Variants in SPTAN1 observed in about 807,000 individuals in gnomAD.
SPTAN1 encodes spectrin alpha chain, non-erythrocytic 1.
In SPTAN1, 61 loss-of-function variants were observed where a neutral mutation model predicts 331.3. The ratio of observed to expected loss-of-function variants is 0.18; its 90% CI spans 0.15 to 0.23. The LOEUF (loss-of-function observed/expected upper bound fraction) is 0.23. SPTAN1 is among the 10% of genes least tolerant of loss of function. The pLI, the probability that SPTAN1 is intolerant of heterozygous loss-of-function variation, is 1.00. For synonymous variants in SPTAN1, 1,153 were observed against 1,173.9 expected, an observed-to-expected ratio of 0.98 and a Z score of 0.36; for missense variants, 2,043 against 3,147.9, an observed-to-expected ratio of 0.65 and a Z score of 8.40.
At chr9:128,628,475 G>GCCCTAATAGAAGGCATTTT (rs1859140926) in intron 51 of SPTAN1, 1 of 319,130 alleles carries the variant, frequency 3.1e-6, no homozygotes, top group Non-Finnish European at 6.2e-6. Flanking sequence ...AAGACTGTCC[G>GCCCTAATAGAAGGCATTTT]CCCTAATAGA....
chr9:128,588,310 ATTTTTT>A, intron 20 of SPTAN1, among the ~76,000 whole-genome samples: 1 of 114,736 alleles, frequency 8.7e-6, no homozygotes, highest in South Asian at 2.8e-4. Flanking sequence ...TTAAAATGAG[ATTTTTT>A]TTTTTTTTTT....
At chr9:128,566,352 C>T (rs1158242946) in intron 1 of SPTAN1, among the ~76,000 whole-genome samples, 2 of 152,102 alleles carry the variant, frequency 1.3e-5, no homozygotes, top group African/African-American at 4.8e-5. Context: ...CACCGCACCC[C>T]CTGCTTGAAA....
At chr9:128,572,948 C>T (rs1850901949) in intron 3 of SPTAN1, among the ~76,000 whole-genome samples, 1 of 152,130 alleles carries the variant, frequency 6.6e-6, no homozygotes, top group Admixed American at 6.5e-5. Flanking sequence ...AGCATGTATT[C>T]CTCTGCTGCT....
intron 20 of SPTAN1, among the ~76,000 whole-genome samples, chr9:128,588,310 A>ATTT (rs386416287): frequency 0.86 from 98,981 of 114,666 alleles, 44,142 homozygotes; most frequent in East Asian, 0.94. Context: ...TTAAAATGAG[A>ATTT]TTTTTTTTTT....
intron 44 of SPTAN1, among the ~76,000 whole-genome samples, chr9:128,620,498 C>T (rs1857706614): frequency 6.6e-6 from 1 of 152,188 alleles, no homozygotes; most frequent in African/African-American, 2.4e-5. Flanking sequence ...GGGCAGATCA[C>T]CTGAGGTCAG....
intron 3 of SPTAN1, 80 bp downstream of exon 3, chr9:128,568,977 T>C: frequency 1.3e-6 from 2 of 1,594,976 alleles, no homozygotes; most frequent in Non-Finnish European, 1.7e-6. Flanking sequence ...TCAGTTTGGG[T>C]TCCCAAAAAG....
In SPTAN1 at chr9:128,632,422, T is replaced by C; in HGVS notation, c.6960-9T>C. On this transcript the variant is annotated splice_polypyrimidine_tract_variant and intron_variant, in intron 53 of 56. Coordinates refer to ENST00000372739, the MANE Select transcript of SPTAN1 (RefSeq NM_001130438.3). ...AGGGTCTGTTCCCTAATTTCTGTTT[T>C]TCTTCCAGGAACACAACAGGTGTGA... 6.2e-7 allele frequency: 1 copy of C among 1,614,116 alleles called. No individual in the cohort carries two copies. Among genetic ancestry groups the C allele is most frequent in the Non-Finnish European group, 8.5e-7 (1 of 1,180,006 alleles).
chr9:128,579,993 AT>A (rs940122675), intron 10 of SPTAN1, among the ~76,000 whole-genome samples: 2 of 152,072 alleles, frequency 1.3e-5, no homozygotes, highest in Admixed American at 1.3e-4. Flanking sequence ...TGAGTCTTGC[AT>A]TAGGAGTTGG....
At chr9:128,573,024 G>A (rs546177701) in intron 3 of SPTAN1, among the ~76,000 whole-genome samples, 2 of 152,256 alleles carry the variant, frequency 1.3e-5, no homozygotes, top group East Asian at 3.9e-4. Flanking sequence ...ACTGTCACAT[G>A]GTTTTCAGGT....
At position 128,627,901 on chromosome 9, in the gene SPTAN1, G is replaced by A; in HGVS notation, c.6690-24G>A. On this transcript the variant is annotated intron_variant, in intron 50 of 56. Coordinates refer to ENST00000372739, the MANE Select transcript of SPTAN1 (RefSeq NM_001130438.3). This position sits in a 1 kb window ranked among gnomAD's most constrained non-coding sequence, Gnocchi z 4.9. ...TGTCCGGACACCACCTTGTCTCCCGGCTGCTTGGATCTGCTCTCCACAGGA... is the reference window on the plus strand; with the variant it reads ...TGTCCGGACACCACCTTGTCTCCCGACTGCTTGGATCTGCTCTCCACAGGA... 1 of 1,614,092 alleles carries A rather than the reference G, an allele frequency of 6.2e-7. No homozygotes were observed. The highest frequency in any genetic ancestry group is 8.5e-7 in the Non-Finnish European group (1 of 1,179,992).
chr9:128,613,593 A>G (rs898547961), intron 40 of SPTAN1, 108 bp downstream of exon 40: 3 of 906,560 alleles, frequency 3.3e-6, no homozygotes, highest in Non-Finnish European at 5.4e-6. Context: ...TTTCACTTAA[A>G]GCAGCCATTC....
rs1554766786 is a variant in SPTAN1 at position 128,626,393 on chromosome 9, G to A, written c.6282G>A (p.Val2094=). The A allele has an allele frequency of 1.2e-6, 2 of 1,613,820 alleles. No individual in the cohort carries two copies. The highest frequency in any genetic ancestry group is 1.7e-6 in the Non-Finnish European group (2 of 1,180,032). Residue 2094 remains valine (V), a splice_region_variant and synonymous_variant, in exon 49 of 57, where the codon GTG becomes GTA. Coordinates refer to ENST00000372739, the MANE Select transcript of SPTAN1 (RefSeq NM_001130438.3). The stretch of plus-strand genomic sequence containing the variant: ...AACTCAGTCTCTTCTGCTTCCAGGT[G>A]GAGGACCTCTTCCTGACCTTCGCCA... ...LLEAQSHFRK[V]EDLFLTFAKK... is the part of the protein sequence containing the mutation.
At chr9:128,554,150 G>A (rs1274966075) in intron 1 of SPTAN1, among the ~76,000 whole-genome samples, 1 of 152,138 alleles carries the variant, frequency 6.6e-6, no homozygotes, top group Non-Finnish European at 1.5e-5. Context: ...GCCTTTTTTA[G>A]TAACTGGGCC....
At chr9:128,570,482 C>T (rs538832027) in intron 3 of SPTAN1, among the ~76,000 whole-genome samples, 97 of 150,482 alleles carry the variant, frequency 6.4e-4, no homozygotes, top group African/African-American at 2.3e-3. Flanking sequence ...GGATTACAGG[C>T]GCCCACCACC....
chr9:128,566,657 T>C lies in SPTAN1; in HGVS notation c.-3-81T>C, dbSNP rs142248213. The C allele has an allele frequency of 3.1e-6, 5 of 1,593,532 alleles. No homozygotes were observed. In the East Asian group the frequency reaches 1.1e-4, roughly 36 times the overall value. ...CTCCTGGGTTTATCTGATAATTATTTCTTTCCTTCAGAGAGGCTAATTACT... is the reference window on the plus strand; with the variant it reads ...CTCCTGGGTTTATCTGATAATTATTCCTTTCCTTCAGAGAGGCTAATTACT... On this transcript the variant is annotated intron_variant, in intron 1 of 56. Coordinates refer to ENST00000372739, the MANE Select transcript of SPTAN1 (RefSeq NM_001130438.3).
intron 1 of SPTAN1, among the ~76,000 whole-genome samples, chr9:128,554,366 A>G (rs1179957398): frequency 6.6e-6 from 1 of 152,242 alleles, no homozygotes; most frequent in Admixed American, 6.5e-5. Flanking sequence ...GAAATCTGGT[A>G]TGTCACAGGC....
chr9:128,598,332 G>A, intron 24 of SPTAN1, 68 bp from the exon 25 acceptor site: 1 of 1,086,876 alleles, frequency 9.2e-7, no homozygotes. Context: ...GCCATAGTTT[G>A]TGACTATGTC....
At chr9:128,593,463 G>A (rs924915826) in intron 23 of SPTAN1, 1 of 201,568 alleles carries the variant, frequency 5.0e-6, no homozygotes, top group African/African-American at 2.3e-5. Context: ...GATGATTCTA[G>A]TTTTTTTTAA....
At position 128,626,500 on chromosome 9, in the gene SPTAN1, A is replaced by G; in HGVS notation, c.6389A>G (p.Glu2130Gly). ...TDPVRCNSLE[E>G]IKALREAHDA... ...CCCGTGCGCTGCAACTCCTTGGAAGAAATCAAAGCTTTGCGCGAGGCCCAC... is the reference window on the plus strand; with the variant it reads ...CCCGTGCGCTGCAACTCCTTGGAAGGAATCAAAGCTTTGCGCGAGGCCCAC... Residue 2130 changes from glutamate (E) to glycine (G), a missense_variant, in exon 49 of 57, where the codon GAA (glutamate) becomes GGA (glycine). Around this residue, in one of 12 missense-constraint regions of SPTAN1, gnomAD observed 256 missense variants for 376.4 expected, o/e 0.68. Coordinates refer to ENST00000372739, the MANE Select transcript of SPTAN1 (RefSeq NM_001130438.3). 6.2e-7 allele frequency: 1 copy of G among 1,614,030 alleles called. No homozygotes were observed. The highest frequency in any genetic ancestry group is 8.5e-7 in the Non-Finnish European group (1 of 1,180,006).
Sources: gnomAD v4.1 joint callset for allele counts (sites outside exome capture counted in the v4.1 genomes callset) on GRCh38, gnomAD v4.1.1 for gene constraint, gnomAD v4.1.1 regional missense constraint, Gnocchi (gnomAD v3.1) non-coding constraint, MANE v1.5 for transcripts, NCBI Gene and HGNC (gene_info 2026-07-23, HGNC 2026-07-21) for gene names.